SV2B: variants seen among roughly 807,000 people sequenced by gnomAD.
SV2B encodes the protein synaptic vesicle glycoprotein 2B.
In SV2B, 41 loss-of-function variants were observed where a neutral mutation model predicts 73.9. The observed-to-expected ratio is 0.56, with a 90% CI of 0.43 to 0.72. The LOEUF is 0.72. SV2B is among the 30% of genes least tolerant of loss of function. The pLI is 0.00. For missense variants in SV2B, 764 were observed against 857.8 expected (o/e 0.89, Z 1.37); for synonymous variants, 314 against 314.2 (o/e 1.00, Z 0.01).
intron 6 of SV2B, among the ~76,000 whole-genome samples, chr15:91,266,172 T>A (rs951617882): frequency 2.4e-4 from 36 of 151,516 alleles, no homozygotes; most frequent in Admixed American, 3.9e-4. Context: ...AACAAACAAA[T>A]AAAAAAAACA....
At chr15:91,184,017 G>A (rs1832709830) in intron 1 of SV2B, among the ~76,000 whole-genome samples, 1 of 152,050 alleles carries the variant, frequency 6.6e-6, no homozygotes, top group Admixed American at 6.5e-5. Flanking sequence ...GTATTGTTAA[G>A]AAAACACTGT....
At position 91,121,332 on chromosome 15, in the gene SV2B, T is replaced by G. The variant is rs2042329043; in HGVS notation, c.-392+20969T>G. 1.3e-5 allele frequency among the ~76,000 whole-genome samples: 2 copies of G among 152,166 alleles called. No homozygotes were observed. The highest frequency in any genetic ancestry group is 4.8e-5 in the African/African-American group (2 of 41,422). ...TCCCCCCTAACCCTCCTGAGAATAC[T>G]TAAGCCAGAATCTCTAGGGATGGGA... On this transcript the variant is annotated intron_variant, in intron 1 of 12. Transcript: ENST00000394232. This position sits in a 1 kb window ranked among gnomAD's most constrained non-coding sequence, Gnocchi z 4.4.
intron 1 of SV2B, among the ~76,000 whole-genome samples, chr15:91,131,204 A>C (rs1292030412): frequency 2.3e-5 from 3 of 130,528 alleles, no homozygotes; most frequent in African/African-American, 8.9e-5. Context: ...TGCCCAGGCT[A>C]GTCTTGAACT....
In SV2B at chr15:91,128,343, T is replaced by C. The variant is rs191853342; in HGVS notation, c.-392+27980T>C. Among the ~76,000 whole-genome samples the C allele has an allele frequency of 6.6e-6, 1 of 152,298 alleles. No individual in the cohort carries two copies. The highest frequency in any genetic ancestry group is 1.9e-4 in the East Asian group (1 of 5,182). ...CCTTGACAATTATCTTTGCAGCTTGTTAGTAAGATTTTTCTGCAGAGTCAG... is the reference window on the plus strand; with the variant it reads ...CCTTGACAATTATCTTTGCAGCTTGCTAGTAAGATTTTTCTGCAGAGTCAG... On this transcript the variant is annotated intron_variant, in intron 1 of 12. Transcript: ENST00000394232. The surrounding 1 kb of genome is among the most constrained non-coding windows in gnomAD (Gnocchi z 4.2).
intron 2 of SV2B, among the ~76,000 whole-genome samples, chr15:91,235,182 G>C (rs970725220): frequency 6.6e-6 from 1 of 152,236 alleles, no homozygotes; most frequent in Non-Finnish European, 1.5e-5. Context: ...CTAGTCTTTA[G>C]AGGTAATAGT....
rs1166182512 is a variant in SV2B, at chr15:91,290,759, T to C, written c.1868+1079T>C. On this transcript the variant is annotated intron_variant, in intron 12 of 12. Transcript: ENST00000394232. The surrounding 1 kb of genome is among the most constrained non-coding windows in gnomAD (Gnocchi z 4.7). Reference sequence around the variant, plus strand: ...TAAGAGAAGATAAATATATGCCAACTCAGTGATTTGGGAGGCCGAGGCAAA... The same window carrying C: ...TAAGAGAAGATAAATATATGCCAACCCAGTGATTTGGGAGGCCGAGGCAAA... Among the ~76,000 whole-genome samples, 1 of 152,044 alleles carries C rather than the reference T, an allele frequency of 6.6e-6. No individual in the cohort carries two copies. Among genetic ancestry groups the C allele is most frequent in the East Asian group, 1.9e-4 (1 of 5,200 alleles).
At chr15:91,103,907 T>G (rs906161376) in intron 1 of SV2B, among the ~76,000 whole-genome samples, 8 of 152,218 alleles carry the variant, frequency 5.3e-5, no homozygotes, top group African/African-American at 1.9e-4. Flanking sequence ...AGTGACCTTG[T>G]TCACCTGCAT....
intron 1 of SV2B, among the ~76,000 whole-genome samples, chr15:91,199,544 A>C (rs1325491935): frequency 6.6e-6 from 1 of 152,234 alleles, no homozygotes; most frequent in African/African-American, 2.4e-5. Flanking sequence ...GGCAGATGTT[A>C]GGCCCTTGGG....
rs1209232763 is a variant in SV2B, at chr15:91,115,697, G to T, written c.-392+15334G>T. Among the ~76,000 whole-genome samples the T allele has an allele frequency of 1.3e-5, 2 of 151,932 alleles. No individual in the cohort carries two copies. The highest frequency in any genetic ancestry group is 2.9e-5 in the Non-Finnish European group (2 of 67,990). ...TGGCCTTCCTTATTTTTTTCTAAGG[G>T]GTTTCTAAGGGGTTCACATTTTTAT... On this transcript the variant is annotated intron_variant, in intron 1 of 12. Transcript: ENST00000394232. The surrounding 1 kb of genome is among the most constrained non-coding windows in gnomAD (Gnocchi z 4.3).
chr15:91,174,307 G>A lies in SV2B; in HGVS notation c.-391-51566G>A, dbSNP rs1367974915. Among the ~76,000 whole-genome samples, 9 of 152,198 alleles carry A rather than the reference G, an allele frequency of 5.9e-5. No homozygotes were observed. In the East Asian group the frequency reaches 7.7e-4, roughly 13 times the overall value. On this transcript the variant is annotated intron_variant, in intron 1 of 12. Transcript: ENST00000394232. ...TGTGGATTTAGACAAAATTACTTAAGTTCTTTGTGCTTCATTGGGGTTGGT... is the reference window on the plus strand; with the variant it reads ...TGTGGATTTAGACAAAATTACTTAAATTCTTTGTGCTTCATTGGGGTTGGT...
At chr15:91,196,828 A>C (rs916648024) in intron 1 of SV2B, among the ~76,000 whole-genome samples, 6 of 152,214 alleles carry the variant, frequency 3.9e-5, no homozygotes, top group African/African-American at 1.4e-4. Flanking sequence ...CTAATGAGTA[A>C]AAGTGTCACT....
At chr15:91,244,308 T>C (rs866937230) in intron 2 of SV2B, among the ~76,000 whole-genome samples, 1 of 152,246 alleles carries the variant, frequency 6.6e-6, no homozygotes, top group Non-Finnish European at 1.5e-5. Flanking sequence ...ATTTCTCCTC[T>C]ACACATTTGT....
intron 1 of SV2B, among the ~76,000 whole-genome samples, chr15:91,165,618 A>G (rs542330993): frequency 6.6e-6 from 1 of 152,290 alleles, no homozygotes; most frequent in African/African-American, 2.4e-5. Flanking sequence ...AGGAATGACT[A>G]TATTTGAGCC....
chr15:91,143,848 A>G (rs1469274771), intron 1 of SV2B, among the ~76,000 whole-genome samples: 4 of 152,276 alleles, frequency 2.6e-5, no homozygotes, highest in African/African-American at 9.6e-5. Flanking sequence ...ATGCAAAATT[A>G]AATGAGCACT....
In SV2B at chr15:91,267,764, G is replaced by A; in HGVS notation, c.1208+121G>A. 1.2e-6 allele frequency: 1 copy of A among 826,146 alleles called. No homozygotes were observed. The allele number at this position is 826,146 out of a possible 1,614,324, so 51.2% of individuals were successfully genotyped here. On this transcript the variant is annotated intron_variant, in intron 8 of 12. Coordinates refer to ENST00000394232, the MANE Select transcript of SV2B (RefSeq NM_001323032.3). The surrounding 1 kb of genome is among the most constrained non-coding windows in gnomAD (Gnocchi z 4.3). The stretch of plus-strand genomic sequence containing the variant: ...ATCAGGTAGGATGCTTTGGTGGCAA[G>A]TAGCAGAAAACCAACTCTAGTGGCT...
chr15:91,120,811 C>CAAAAA (rs756474473), intron 1 of SV2B, among the ~76,000 whole-genome samples: 2 of 97,296 alleles, frequency 2.1e-5, no homozygotes, highest in Non-Finnish European at 3.9e-5. Context: ...GAACCTGTCT[C>CAAAAA]AAAAAAAAAA....
In SV2B at chr15:91,129,879, G is replaced by A. The variant is rs191822796; in HGVS notation, c.-392+29516G>A. 2.4e-3 allele frequency among the ~76,000 whole-genome samples: 367 copies of A among 152,302 alleles called. 1 individual carries two copies. Among genetic ancestry groups the A allele is most frequent in the Non-Finnish European group, 3.6e-3 (244 of 68,034 alleles). On this transcript the variant is annotated intron_variant, in intron 1 of 12. Transcript: ENST00000394232. The surrounding 1 kb of genome is among the most constrained non-coding windows in gnomAD (Gnocchi z 5.1). Reference sequence around the variant, plus strand: ...AGAGAGACAAGAAGAGTACTCATGCGGGGATCTCGGGAGGGTTAAGTGAGA... The same window carrying A: ...AGAGAGACAAGAAGAGTACTCATGCAGGGATCTCGGGAGGGTTAAGTGAGA...
intron 1 of SV2B, among the ~76,000 whole-genome samples, chr15:91,152,741 C>G (rs2043352626): frequency 6.6e-6 from 1 of 152,108 alleles, no homozygotes; most frequent in African/African-American, 2.4e-5. Flanking sequence ...AGAAAGGAAA[C>G]AGAAAGGAAA....
Position 91,294,133 on chromosome 15 carries a change from A to G in SV2B, c.*1581A>G, listed in dbSNP as rs1405125619. On this transcript the variant is annotated 3_prime_UTR_variant, in exon 13 of 13. Transcript: ENST00000394232. The surrounding 1 kb of genome is among the most constrained non-coding windows in gnomAD (Gnocchi z 4.1). ...TGATTTGCAGTGCTCTCAATGGGCA[A>G]GTGCCACATTTTCCCTGGCAGAGAT... 6.6e-6 allele frequency: 1 copy of G among 152,246 alleles called. No individual in the cohort carries two copies. Among genetic ancestry groups the G allele is most frequent in the Non-Finnish European group, 1.5e-5 (1 of 68,046 alleles). The allele number at this position is 152,246 out of a possible 1,614,324, so 9.4% of individuals were successfully genotyped here. A position where few individuals can be genotyped will look rare whatever the true frequency, so the allele number is the denominator to read the frequency against.
Sources: gnomAD v4.1 joint callset for allele counts (sites outside exome capture counted in the v4.1 genomes callset) on GRCh38, gnomAD v4.1.1 for gene constraint, Gnocchi (gnomAD v3.1) non-coding constraint, MANE v1.5 for transcripts, NCBI Gene and HGNC (gene_info 2026-07-23, HGNC 2026-07-21) for gene names.